ATM: variants seen among roughly 807,000 people sequenced by gnomAD.
The protein encoded by ATM is serine-protein kinase ATM.
Under a neutral mutation model 387.0 loss-of-function variants are expected in ATM, and 308 were observed. The observed-to-expected ratio is 0.80, with a 90% CI of 0.73 to 0.87. The LOEUF (loss-of-function observed/expected upper bound fraction) is 0.87, where lower values mean the gene tolerates loss of function less well. ATM is among the 40% of genes least tolerant of loss of function. The pLI is 0.00. For synonymous variants in ATM, 1,156 were observed against 1,187.3 expected (o/e 0.97, Z 0.54); for missense variants, 3,312 against 3,560.9 (o/e 0.93, Z 1.78).
intron 16 of ATM, among the ~76,000 whole-genome samples, chr11:108,261,102 G>A (rs1218467133): frequency 6.6e-6 from 1 of 152,236 alleles, no homozygotes; most frequent in Non-Finnish European, 1.5e-5. Context: ...GGTAAACAAA[G>A]CAGCCGGGAA....
rs774185390 is a variant in ATM, at chr11:108,227,843, C to G, written c.140C>G (p.Ser47Ter). The change falls in exon 3 of 63, where the codon TCA becomes TGA. Residue 47 changes from serine to a stop codon, truncating the protein, a stop_gained. Coordinates refer to ENST00000675843, the MANE Select transcript of ATM (RefSeq NM_000051.4). LOFTEE classifies it high-confidence loss of function. ...PETIKHLDRH[S>*]DSKQGKYLNW... ...ACAATTAAACATCTAGATCGGCATT[C>G]AGATTCCAAACAAGGAAAATATTTG... 1 of 1,613,430 alleles carries G rather than the reference C, an allele frequency of 6.2e-7. No homozygotes were observed. The highest frequency in any genetic ancestry group is 1.7e-5 in the Admixed American group (1 of 60,010).
intron 16 of ATM, among the ~76,000 whole-genome samples, chr11:108,265,453 C>T (rs923626308): frequency 1.3e-5 from 2 of 152,138 alleles, no homozygotes; most frequent in African/African-American, 4.8e-5. Flanking sequence ...AAACTGGATC[C>T]CTTCCTTACA....
intron 48 of ATM, 148 bp from the exon 49 acceptor site, chr11:108,328,873 G>T: frequency 1.2e-6 from 1 of 867,518 alleles, no homozygotes; most frequent in Non-Finnish European, 1.8e-6. Context: ...TGGGCCGTGG[G>T]TTGGACAAGT....
In ATM at chr11:108,279,715, C is replaced by T. The variant is rs185411993; in HGVS notation, c.3402+107C>T. ...AGAGAGTTTATAATCCAGTAGTTTA[C>T]AGTATAAAGCTGCTCTAAAACAACT... is the stretch of plus-strand genomic sequence containing the variant. On this transcript the variant is annotated intron_variant, in intron 23 of 62. Transcript: ENST00000675843. 3.4e-4 allele frequency: 301 copies of T among 876,020 alleles called. 1 individual carries two copies. Among genetic ancestry groups the T allele is most frequent in the Admixed American group, 1.5e-3 (86 of 56,758 alleles). The allele number at this position is 876,020 out of a possible 1,614,324, so 54.3% of individuals were successfully genotyped here. A position where few individuals can be genotyped will look rare whatever the true frequency, so the allele number is the denominator to read the frequency against.
chr11:108,359,838 A>G (rs904480955), intron 61 of ATM, among the ~76,000 whole-genome samples: 1 of 152,208 alleles, frequency 6.6e-6, no homozygotes, highest in Non-Finnish European at 1.5e-5. Flanking sequence ...CCCACAAGAG[A>G]AAGCAGGAAA....
intron 16 of ATM, among the ~76,000 whole-genome samples, chr11:108,266,336 G>C (rs1277628064): frequency 6.6e-6 from 1 of 151,944 alleles, no homozygotes; most frequent in Non-Finnish European, 1.5e-5. Context: ...CCTTTGTTAG[G>C]GACATGGATG....
rs758083563 is a variant in ATM, at chr11:108,257,609, A to G, written c.2376+3A>G. The G allele has an allele frequency of 6.2e-7, 1 of 1,613,198 alleles. No individual in the cohort carries two copies. The highest frequency in any genetic ancestry group is 8.5e-7 in the Non-Finnish European group (1 of 1,179,876). ...GTTGCTTGAGCAACTGTACCAAGGT[A>G]AGATTTTCTTCTTCTTGTTTTGTTT... On this transcript the variant is annotated splice_donor_region_variant and intron_variant, in intron 15 of 62. Transcript: ENST00000675843.
chr11:108,260,103 C>T (rs1287679330), intron 16 of ATM, among the ~76,000 whole-genome samples: 2 of 146,730 alleles, frequency 1.4e-5, no homozygotes, highest in Admixed American at 7.0e-5. Flanking sequence ...GGCACAATCT[C>T]GGCTCACTGC....
At position 108,350,571 on chromosome 11, in the gene ATM, C is replaced by A. The variant is rs1449923489; in HGVS notation, c.8672-3195C>A. Among the ~76,000 whole-genome samples, 5 of 152,046 alleles carry A rather than the reference C, an allele frequency of 3.3e-5. No homozygotes were observed. The East Asian group carries it at 5.8e-4, about 18-fold the overall frequency. On this transcript the variant is annotated intron_variant, in intron 59 of 62. Coordinates refer to ENST00000675843, the MANE Select transcript of ATM (RefSeq NM_000051.4). ...CAGTCACGGATATTATATGGTTTTC[C>A]CCAGAATGAATTCTAGAGTTGGGAC...
intron 56 of ATM, among the ~76,000 whole-genome samples, chr11:108,338,844 T>TA (rs1312236358): frequency 1.3e-4 from 20 of 152,222 alleles, no homozygotes; most frequent in Admixed American, 1.2e-3. Context: ...ATCATTATGT[T>TA]AAACTAAGTG....
chr11:108,330,776 T>C (rs1277421559), intron 50 of ATM, among the ~76,000 whole-genome samples: 3 of 152,218 alleles, frequency 2.0e-5, no homozygotes, highest in Non-Finnish European at 1.5e-5. Context: ...TTAAAGATGA[T>C]GTGATCACAG....
intron 40 of ATM, among the ~76,000 whole-genome samples, chr11:108,312,826 T>C (rs2084293534): frequency 6.6e-6 from 1 of 152,214 alleles, no homozygotes; most frequent in South Asian, 2.1e-4. Flanking sequence ...TATTTATTTG[T>C]TTGCTTGTTT....
chr11:108,233,905 T>G (rs1233389809), intron 4 of ATM, among the ~76,000 whole-genome samples: 1 of 152,146 alleles, frequency 6.6e-6, no homozygotes, highest in Non-Finnish European at 1.5e-5. Context: ...CTTCTCATAT[T>G]TGGTAGAGGA....
chr11:108,296,256 CTT>C (rs1298737298), intron 32 of ATM, among the ~76,000 whole-genome samples: 1 of 144,972 alleles, frequency 6.9e-6, no homozygotes, highest in Admixed American at 6.9e-5. Context: ...TTTCATATTT[CTT>C]TTTTTTTTTT....
intron 61 of ATM, chr11:108,355,113 GT>G (rs2089738372): frequency 1.9e-6 from 1 of 519,436 alleles, no homozygotes; most frequent in Admixed American, 3.3e-5. Flanking sequence ...GTAGTCTCTA[GT>G]TTTCAATTCA....
chr11:108,279,717 G>A, intron 23 of ATM, 109 bp downstream of exon 23: 1 of 869,844 alleles, frequency 1.1e-6, no homozygotes, highest in South Asian at 1.3e-5. Flanking sequence ...GTAGTTTACA[G>A]TATAAAGCTG....
At chr11:108,284,543 C>A (rs2082394970) in intron 26 of ATM, 70 bp downstream of exon 26, 2 of 1,570,058 alleles carry the variant, frequency 1.3e-6, no homozygotes, top group Admixed American at 1.7e-5. Context: ...AGTTTTAAGG[C>A]TATTTATTCG....
intron 60 of ATM, 76 bp from the exon 61 acceptor site, chr11:108,354,735 G>GAT: frequency 2.4e-6 from 3 of 1,226,430 alleles, no homozygotes; most frequent in Non-Finnish European, 3.6e-6. Flanking sequence ...TACTACACAT[G>GAT]AGAGTATACA....
intron 36 of ATM, among the ~76,000 whole-genome samples, chr11:108,304,143 A>G (rs2083559551): frequency 6.6e-6 from 1 of 152,218 alleles, no homozygotes; most frequent in South Asian, 2.1e-4. Context: ...TCTTTGGAAT[A>G]TACCACAAAT....
Sources: allele counts gnomAD v4.1 joint callset (sites outside exome capture counted in the v4.1 genomes callset), GRCh38; gene constraint gnomAD v4.1.1; transcripts MANE v1.5; gene names NCBI Gene and HGNC (gene_info 2026-07-23, HGNC 2026-07-21).